The following DHRSX variants were observed in gnomAD, a reference collection of about 807,000 sequenced individuals.
The protein encoded by DHRSX is dehydrogenase/reductase X-linked.
A neutral mutation model predicts 34.0 loss-of-function variants in DHRSX; 31 were observed. That is an observed-to-expected ratio of 0.91 (90% CI 0.69 to 1.23). DHRSX has a LOEUF of 1.23. DHRSX is among the 50% of genes most tolerant of loss of function. DHRSX has a pLI of 0.00. For missense variants in DHRSX, 414 were observed against 428.1 expected (o/e 0.97, Z 0.29); for synonymous variants, 201 against 183.8 (o/e 1.09, Z -0.76).
intron 1 of DHRSX, among the ~76,000 whole-genome samples, chrX:2,466,863 C>T (rs972310681): frequency 2.0e-5 from 3 of 151,908 alleles, no homozygotes; most frequent in African/African-American, 7.3e-5. Context: ...GCAAGGAGTT[C>T]CAGACTACCC....
chrX:2,342,148 G>A (rs1379736943), intron 3 of DHRSX, among the ~76,000 whole-genome samples: 1 of 152,112 alleles, frequency 6.6e-6, no homozygotes, highest in Non-Finnish European at 1.5e-5. Flanking sequence ...TTCAGTAAGA[G>A]CTTCCTCTAG....
At chrX:2,319,030 C>G (rs1422261848) in intron 3 of DHRSX, among the ~76,000 whole-genome samples, 1 of 152,044 alleles carries the variant, frequency 6.6e-6, no homozygotes, top group Non-Finnish European at 1.5e-5. Context: ...AAATCCAGCC[C>G]CTTGCCTATT....
At position 2,473,379 on chromosome X, in the gene DHRSX, T is replaced by G. The variant is rs184634943; in HGVS notation, c.109+27438A>C. Among the ~76,000 whole-genome samples the G allele has an allele frequency of 2.2e-3, 333 of 152,008 alleles. 2 individuals carry two copies. The highest frequency in any genetic ancestry group is 6.8e-3 in the Middle Eastern group (2 of 294). The stretch of plus-strand genomic sequence containing the variant: ...GGGCTCACGCCTGTCATCCTAACAT[T>G]TTGGGAGGCCGAGGCGGATGGATCA... On this transcript the variant is annotated intron_variant, in intron 1 of 6. Coordinates refer to ENST00000334651, the MANE Select transcript of DHRSX (RefSeq NM_145177.3).
chrX:2,402,013 T>C (rs768648522), intron 3 of DHRSX, among the ~76,000 whole-genome samples: 1 of 152,048 alleles, frequency 6.6e-6, no homozygotes, highest in African/African-American at 2.4e-5. Context: ...AGACAGAAAG[T>C]ACAACAAAGT....
chrX:2,308,007 C>T (rs34016541), intron 3 of DHRSX, among the ~76,000 whole-genome samples: 51,202 of 151,624 alleles, frequency 0.34, 10,307 homozygotes, highest in Middle Eastern at 0.48. Context: ...GGAGGATCTC[C>T]GGAAGACTTG....
chrX:2,488,870 G>A (rs1417362223), intron 1 of DHRSX: 3 of 1,612,956 alleles, frequency 1.9e-6, no homozygotes, highest in East Asian at 2.2e-5. Context: ...ACGCTCAGGG[G>A]CGACGCGCGT....
chrX:2,248,386 T>C (rs1306667784), intron 5 of DHRSX, among the ~76,000 whole-genome samples: 2 of 148,400 alleles, frequency 1.3e-5, no homozygotes, highest in East Asian at 2.0e-4. Flanking sequence ...TGAGTGGAGA[T>C]TGCGCCACTG....
chrX:2,284,072 A>T (rs2041771857), intron 4 of DHRSX, among the ~76,000 whole-genome samples: 1 of 151,864 alleles, frequency 6.6e-6, no homozygotes, highest in East Asian at 1.9e-4. Flanking sequence ...TTGTTCATTC[A>T]TTTGAATTCA....
At chrX:2,396,100 C>T (rs889348694) in intron 3 of DHRSX, among the ~76,000 whole-genome samples, 7 of 151,996 alleles carry the variant, frequency 4.6e-5, no homozygotes, top group Non-Finnish European at 4.4e-5. Flanking sequence ...GGTTTGTGGC[C>T]GCATCGCTCC....
chrX:2,425,990 G>A (rs1464462740), intron 1 of DHRSX, among the ~76,000 whole-genome samples: 1 of 152,116 alleles, frequency 6.6e-6, no homozygotes, highest in East Asian at 1.9e-4. Flanking sequence ...GCTTTGGGGT[G>A]GTTAGGGCAG....
At chrX:2,337,621 C>T (rs923334672) in intron 3 of DHRSX, among the ~76,000 whole-genome samples, 16 of 151,884 alleles carry the variant, frequency 1.1e-4, no homozygotes, top group Admixed American at 6.6e-4. Context: ...AAAAGGTGCA[C>T]CTCTTAGATG....
At chrX:2,313,471 C>T (rs1010547280) in intron 3 of DHRSX, among the ~76,000 whole-genome samples, 11 of 152,040 alleles carry the variant, frequency 7.2e-5, no homozygotes, top group Admixed American at 2.0e-4. Flanking sequence ...CAGGTTCAAG[C>T]GATTCTCCTG....
chrX:2,415,512 T>G (rs1197987784), intron 2 of DHRSX, among the ~76,000 whole-genome samples: 1 of 151,482 alleles, frequency 6.6e-6, no homozygotes, highest in African/African-American at 2.4e-5. Flanking sequence ...CTAGATATCA[T>G]CGTAATATAA....
intron 4 of DHRSX, among the ~76,000 whole-genome samples, chrX:2,267,415 G>C (rs2041489653): frequency 6.6e-6 from 1 of 152,026 alleles, no homozygotes. Flanking sequence ...TTTGGTGGCA[G>C]GGTCCTGTAG....
rs776738715 is a variant in DHRSX at position 2,482,774 on chromosome X, C to T, written c.109+18043G>A. ...CAGAGTTCCTGCCTTTCCAGTTAAACACAAATAAAATAGGAGTCCGGTGAC... is the reference window on the plus strand; with the variant it reads ...CAGAGTTCCTGCCTTTCCAGTTAAATACAAATAAAATAGGAGTCCGGTGAC... On this transcript the variant is annotated intron_variant, in intron 1 of 6. Transcript: ENST00000334651. 8.5e-5 allele frequency among the ~76,000 whole-genome samples: 13 copies of T among 152,210 alleles called. No individual in the cohort carries two copies. The East Asian group carries it at 1.5e-3, about 18-fold the overall frequency.
intron 1 of DHRSX, among the ~76,000 whole-genome samples, chrX:2,446,492 G>A (rs1262245348): frequency 2.0e-5 from 3 of 151,408 alleles, no homozygotes; most frequent in Admixed American, 6.6e-5. Context: ...AGGGACCACC[G>A]CCATGTACAC....
chrX:2,270,409 G>C (rs1430328667), intron 4 of DHRSX, among the ~76,000 whole-genome samples: 2 of 152,180 alleles, frequency 1.3e-5, no homozygotes, highest in Admixed American at 6.6e-5. Context: ...TCAAGAGACG[G>C]AGCAGGGACT....
At position 2,238,804 on chromosome X, in the gene DHRSX, C is replaced by T. The variant is rs189444805; in HGVS notation, c.804+4219G>A. On this transcript the variant is annotated intron_variant, in intron 6 of 6. Coordinates refer to ENST00000334651, the MANE Select transcript of DHRSX (RefSeq NM_145177.3). The stretch of plus-strand genomic sequence containing the variant: ...TTCACCATGTTTGACAGTCTGGTCT[C>T]GAACTCCTGACCTCAAGTAATCCAC... Among the ~76,000 whole-genome samples, 894 of 151,628 alleles carry T rather than the reference C, an allele frequency of 5.9e-3. 4 individuals are homozygous for T. The highest frequency in any genetic ancestry group is 0.014 in the Middle Eastern group (4 of 294).
At chrX:2,301,641 T>TTTG (rs1004919648) in intron 3 of DHRSX, among the ~76,000 whole-genome samples, 5 of 152,080 alleles carry the variant, frequency 3.3e-5, no homozygotes, top group African/African-American at 1.2e-4. Context: ...CACCTAGTTC[T>TTTG]TTGTTGTTGT....
Sources: gnomAD v4.1 joint callset for allele counts (sites outside exome capture counted in the v4.1 genomes callset) on GRCh38, gnomAD v4.1.1 for gene constraint, MANE v1.5 for transcripts, NCBI Gene and HGNC (gene_info 2026-07-23, HGNC 2026-07-21) for gene names.